The following AXDND1 variants were observed in gnomAD, a reference collection of about 807,000 sequenced individuals.
AXDND1 encodes the protein axonemal dynein light chain domain-containing protein 1.
A neutral mutation model predicts 137.5 loss-of-function variants in AXDND1; 110 were observed. That is an observed-to-expected ratio of 0.80 (90% CI 0.69 to 0.94). The LOEUF is 0.94. Ranked by LOEUF, AXDND1 falls within the 40% of genes least tolerant of loss-of-function variation. The probability of loss-of-function intolerance (pLI) is 0.00; values close to 1 mark genes in which losing one functional copy is unlikely to be tolerated. For synonymous variants in AXDND1, 414 were observed against 399.7 expected (o/e 1.04, Z -0.43); for missense variants, 1,191 against 1,169.8 (o/e 1.02, Z -0.26).
In AXDND1 at chr1:179,460,709, C is replaced by T. The variant is rs995216773; in HGVS notation, c.1799-7734C>T. ...TATTTCTCCACATCCTCTCCAGCAC[C>T]TGTTGTTTTCCTGACTTTTTAATGA... On this transcript the variant is annotated intron_variant, in intron 16 of 25. Coordinates refer to ENST00000367618, the MANE Select transcript of AXDND1 (RefSeq NM_144696.6). 3.3e-5 allele frequency among the ~76,000 whole-genome samples: 5 copies of T among 152,294 alleles called. No homozygotes were observed. The South Asian group carries it at 8.3e-4, about 25-fold the overall frequency.
intron 12 of AXDND1, among the ~76,000 whole-genome samples, chr1:179,419,130 A>G (rs1332697303): frequency 6.8e-6 from 1 of 147,110 alleles, no homozygotes; most frequent in Non-Finnish European, 1.5e-5. Context: ...CTCACTTTCC[A>G]GACTGGGCAG....
chr1:179,437,955 C>G (rs932692624), intron 15 of AXDND1, among the ~76,000 whole-genome samples: 2 of 152,070 alleles, frequency 1.3e-5, no homozygotes, highest in Non-Finnish European at 2.9e-5. Context: ...AGTTCAAGAC[C>G]AGCCTGACCA....
At chr1:179,447,025 T>TAGA in intron 16 of AXDND1, among the ~76,000 whole-genome samples, 1 of 152,214 alleles carries the variant, frequency 6.6e-6, no homozygotes, top group Admixed American at 6.5e-5. Context: ...GAGGTATCTA[T>TAGA]TATCCTGAGT....
rs1663527478 is a variant in AXDND1, at chr1:179,468,589, T to C, written c.1945T>C (p.Leu649=). The part of the protein sequence containing the change: ...INEMKSHLDI[L]LNLTGIVPQH... The stretch of plus-strand genomic sequence containing the variant: ...TGAAATGAAATCACACTTGGATATA[T>C]TGTTAAACCTTACTGGTATTGTTCC... Residue 649 remains leucine, a synonymous_variant, in exon 17 of 26, where the codon TTG becomes CTG. Coordinates refer to ENST00000367618, the MANE Select transcript of AXDND1 (RefSeq NM_144696.6). 4 of 1,612,786 alleles carry C rather than the reference T, an allele frequency of 2.5e-6. No homozygotes were observed. Among genetic ancestry groups the C allele is most frequent in the Non-Finnish European group, 3.4e-6 (4 of 1,179,678 alleles).
intron 12 of AXDND1, among the ~76,000 whole-genome samples, chr1:179,424,884 A>C (rs1656330943): frequency 6.6e-6 from 1 of 152,046 alleles, no homozygotes; most frequent in Non-Finnish European, 1.5e-5. Context: ...AATTCCAGTA[A>C]TTTTATTTTT....
At chr1:179,425,221 C>T (rs574848366) in intron 12 of AXDND1, among the ~76,000 whole-genome samples, 1 of 152,338 alleles carries the variant, frequency 6.6e-6, no homozygotes, top group South Asian at 2.1e-4. Context: ...TCCTTTTCAG[C>T]ACTACATGGT....
intron 25 of AXDND1, among the ~76,000 whole-genome samples, chr1:179,536,103 T>C (rs1671529821): frequency 6.6e-6 from 1 of 152,212 alleles, no homozygotes; most frequent in Non-Finnish European, 1.5e-5. Context: ...TTGAAGTTCT[T>C]TGTAGATTCT....
intron 16 of AXDND1, among the ~76,000 whole-genome samples, chr1:179,465,513 G>A (rs181733780): frequency 6.6e-6 from 1 of 152,356 alleles, no homozygotes; most frequent in Non-Finnish European, 1.5e-5. Flanking sequence ...CTGGCCGTAT[G>A]AGGTGTCAGT....
chr1:179,452,414 C>A (rs918706742), intron 16 of AXDND1: 1 of 145,268 alleles, frequency 6.9e-6, no homozygotes, highest in Non-Finnish European at 1.5e-5. Context: ...TCCCGCCGGG[C>A]GCGGTGGCTC....
At chr1:179,456,746 A>G in intron 16 of AXDND1, 1 of 782,882 alleles carries the variant, frequency 1.3e-6, no homozygotes, top group East Asian at 2.4e-5. Context: ...AGTTTCCAGA[A>G]CTACTTTGAC....
intron 9 of AXDND1, among the ~76,000 whole-genome samples, chr1:179,392,689 A>G (rs192240076): frequency 6.6e-6 from 1 of 152,192 alleles, no homozygotes; most frequent in East Asian, 1.9e-4. Context: ...GTGATATTTC[A>G]TTGTAGTTTT....
intron 16 of AXDND1, among the ~76,000 whole-genome samples, chr1:179,458,384 T>C (rs1053031780): frequency 4.6e-5 from 7 of 152,134 alleles, no homozygotes; most frequent in Middle Eastern, 3.2e-3. Flanking sequence ...TAGAACAATA[T>C]GGAAAATCCT....
intron 25 of AXDND1, chr1:179,552,471 A>G: frequency 8.2e-6 from 6 of 731,724 alleles, no homozygotes; most frequent in Non-Finnish European, 1.5e-5. Flanking sequence ...AGCAATTTTA[A>G]TAGAGTTGTA....
At position 179,473,577 on chromosome 1, in the gene AXDND1, C is replaced by A. The variant is rs1036551430; in HGVS notation, c.1997+4936C>A. 1.6e-4 allele frequency among the ~76,000 whole-genome samples: 25 copies of A among 152,088 alleles called. 1 individual carries two copies. Among genetic ancestry groups the A allele is most frequent in the African/African-American group, 6.0e-4 (25 of 41,414 alleles). ...GATATACTTCTATCTAGTTTGATTCCTTTTCCCACCTTTTGTGGTATAATT... is the reference window on the plus strand; with the variant it reads ...GATATACTTCTATCTAGTTTGATTCATTTTCCCACCTTTTGTGGTATAATT... On this transcript the variant is annotated intron_variant, in intron 17 of 25. Transcript: ENST00000367618.
At position 179,554,513 on chromosome 1, in the gene AXDND1, T is replaced by C. The variant is rs1375196118; in HGVS notation, c.3033T>C (p.Gly1011=). ...AENSSKSPKK[G]H is the part of the protein sequence containing the mutation. ...TCCACTTTGATTCCCCAAATACAGGTCACTGAATCCAAGGCAACCTGTGGA... is the reference window on the plus strand; with the variant it reads ...TCCACTTTGATTCCCCAAATACAGGCCACTGAATCCAAGGCAACCTGTGGA... Residue 1011 remains glycine (G), a splice_region_variant and synonymous_variant, in exon 26 of 26, where the codon GGT becomes GGC. Coordinates refer to ENST00000367618, the MANE Select transcript of AXDND1 (RefSeq NM_144696.6). 1.2e-6 allele frequency: 2 copies of C among 1,614,076 alleles called. No individual in the cohort carries two copies. The highest frequency in any genetic ancestry group is 1.7e-6 in the Non-Finnish European group (2 of 1,180,030).
chr1:179,493,136 C>A (rs1217890467), intron 20 of AXDND1, among the ~76,000 whole-genome samples, 185 bp downstream of exon 20: 1 of 152,016 alleles, frequency 6.6e-6, no homozygotes, highest in African/African-American at 2.4e-5. Flanking sequence ...TCAAACACAC[C>A]CAGAGTTTCC....
intron 12 of AXDND1, among the ~76,000 whole-genome samples, chr1:179,411,858 TTA>T (rs903867679): frequency 2.0e-4 from 29 of 142,584 alleles, no homozygotes; most frequent in Admixed American, 1.5e-3. Flanking sequence ...TCTTTTTTTT[TTA>T]AAAAAACAGG....
At chr1:179,506,679 G>A (rs964549609) in intron 20 of AXDND1, among the ~76,000 whole-genome samples, 18 of 152,100 alleles carry the variant, frequency 1.2e-4, no homozygotes, top group African/African-American at 3.6e-4. Flanking sequence ...GCAGTGAGCC[G>A]AGATTGCACC....
chr1:179,510,087 T>G (rs1218847558), intron 21 of AXDND1, among the ~76,000 whole-genome samples: 2 of 152,336 alleles, frequency 1.3e-5, no homozygotes, highest in East Asian at 1.9e-4. Context: ...TCCTGGTTTT[T>G]CTCCTACTTC....
Sources: gnomAD v4.1 joint callset for allele counts (sites outside exome capture counted in the v4.1 genomes callset) on GRCh38, gnomAD v4.1.1 for gene constraint, MANE v1.5 for transcripts, NCBI Gene and HGNC (gene_info 2026-07-23, HGNC 2026-07-21) for gene names.